Variants in KCNJ13 observed in about 807,000 individuals in gnomAD.
The protein encoded by KCNJ13 is potassium inwardly rectifying channel subfamily J member 13.
A neutral mutation model predicts 24.6 loss-of-function variants in KCNJ13; 9 were observed. The observed-to-expected ratio is 0.37, with a 90% CI of 0.22 to 0.64. KCNJ13 has a LOEUF of 0.64. Among genes scored for constraint, KCNJ13 ranks in the 30% least tolerant of loss-of-function variants. The pLI is 0.64. For missense variants in KCNJ13, 337 were observed against 443.8 expected (o/e 0.76, Z 2.16); for synonymous variants, 148 against 154.7 (o/e 0.96, Z 0.32).
chr2:232,775,225 C>T (rs1393835518), intron 1 of KCNJ13, among the ~76,000 whole-genome samples: 4 of 152,190 alleles, frequency 2.6e-5, no homozygotes, highest in East Asian at 1.9e-4. Context: ...GTGTAGAGAA[C>T]GCAGGATAAG....
At chr2:232,774,547 A>G (rs1337560161) in intron 1 of KCNJ13, among the ~76,000 whole-genome samples, 1 of 152,230 alleles carries the variant, frequency 6.6e-6, no homozygotes, top group Non-Finnish European at 1.5e-5. Flanking sequence ...TACTGTCATT[A>G]TAAATAAAAT....
intron 2 of KCNJ13, among the ~76,000 whole-genome samples, chr2:232,770,479 CAG>C (rs1422117514): frequency 1.3e-5 from 2 of 151,900 alleles, no homozygotes; most frequent in African/African-American, 4.8e-5. Flanking sequence ...AATTCTAGCT[CAG>C]TGAAGAAAAA....
At position 232,768,692 on chromosome 2, in the gene KCNJ13, G is replaced by A; in HGVS notation, c.582C>T (p.Thr194=). ...GGACACTGGTTAGAGGGCTAGGTCG[G>A]GTGTTGGCCACTTGGAAGATAAGAT... ...KPNLIFQVAN[T]RPSPLTSVRV... The change falls in exon 3 of 3, where the codon ACC becomes ACT. Residue 194 remains threonine (T), a synonymous_variant. Coordinates refer to ENST00000233826, the MANE Select transcript of KCNJ13 (RefSeq NM_002242.4). 6.2e-7 allele frequency: 1 copy of A among 1,606,136 alleles called. No homozygotes were observed.
rs147306587 is a variant in KCNJ13 at position 232,773,253 on chromosome 2, C to T, written c.-16-1875G>A. 7.2e-5 allele frequency among the ~76,000 whole-genome samples: 11 copies of T among 152,238 alleles called. No individual in the cohort carries two copies. In the East Asian group the frequency reaches 7.7e-4, roughly 11 times the overall value. ...AATGTTTTAGGAGACCTGATCTCTA[C>T]GCTTTGGAAACAACAAAATCTTCAT... On this transcript the variant is annotated intron_variant, in intron 1 of 2. Transcript: ENST00000233826.
rs1293854136 is a variant in KCNJ13, at chr2:232,771,208, C to T, written c.155G>A (p.Arg52His). ...AAAGACCAACATCATCCAACGCCAGCGCATGTCCATTAGGATTCCCCAAGC... is the reference window on the plus strand; with the variant it reads ...AAAGACCAACATCATCCAACGCCAGTGCATGTCCATTAGGATTCCCCAAGC... ...RDAWGILMDMRWRWMMLVFSA... is the reference protein window; with the variant it reads ...RDAWGILMDMHWRWMMLVFSA... The change falls in exon 2 of 3, where the codon CGC (arginine) becomes CAC (histidine). Residue 52 changes from arginine to histidine, a missense_variant. Physicochemically the swap from Arg to His is conservative, Grantham distance 29. Around this residue, in one of 3 missense-constraint regions of KCNJ13, gnomAD observed 101 missense variants for 139.2 expected, o/e 0.73. Transcript: ENST00000233826. The T allele has an allele frequency of 1.9e-6, 3 of 1,612,800 alleles. No homozygotes were observed. The highest frequency in any genetic ancestry group is 2.2e-5 in the East Asian group (1 of 44,866).
intron 1 of KCNJ13, among the ~76,000 whole-genome samples, chr2:232,771,808 A>G (rs1022053503): frequency 2.0e-5 from 3 of 152,168 alleles, no homozygotes; most frequent in African/African-American, 4.8e-5. Flanking sequence ...GTATGTTTAA[A>G]TATGTAAGTG....
intron 1 of KCNJ13, among the ~76,000 whole-genome samples, chr2:232,772,061 T>C (rs1218576468): frequency 6.6e-6 from 1 of 152,330 alleles, no homozygotes; most frequent in East Asian, 1.9e-4. Flanking sequence ...CATAGCTCAC[T>C]GCAACCTCAG....
rs1168396392 is a variant in KCNJ13 at position 232,767,190 on chromosome 2, A to G, written c.*1001T>C. 1 of 152,240 alleles carries G rather than the reference A, an allele frequency of 6.6e-6. No homozygotes were observed. Among genetic ancestry groups the G allele is most frequent in the Non-Finnish European group, 1.5e-5 (1 of 68,034 alleles). The allele number at this position is 152,240 out of a possible 1,614,324, so 9.4% of individuals were successfully genotyped here. A position where few individuals can be genotyped will look rare whatever the true frequency, so the allele number is the denominator to read the frequency against. ...ATAGAAAAAACTATTTGAAGTTGGA[A>G]ACAGGAATTTGAGTTTGAAAATGCT... On this transcript the variant is annotated 3_prime_UTR_variant, in exon 3 of 3. Coordinates refer to ENST00000233826, the MANE Select transcript of KCNJ13 (RefSeq NM_002242.4).
Position 232,771,264 on chromosome 2 carries a change from G to A in KCNJ13, c.99C>T (p.Gly33=), listed in dbSNP as rs1026757774. 6.2e-6 allele frequency: 10 copies of A among 1,608,082 alleles called. No homozygotes were observed. Among genetic ancestry groups the A allele is most frequent in the South Asian group, 3.3e-5 (3 of 90,466 alleles). Residue 33 remains glycine, a synonymous_variant, in exon 2 of 3, where the codon GGC becomes GGT. Transcript: ENST00000233826. ...GAAGATATGCAAGACCTCTTTGAGC[G>A]CCATCCATTTGAAGTGTGCTGTGGC... ...KDGHSTLQMD[G]AQRGLAYLRD...
intron 2 of KCNJ13, 37 bp from the exon 3 acceptor site, chr2:232,768,850 G>A (rs1260191226): frequency 7.1e-6 from 11 of 1,545,386 alleles, no homozygotes; most frequent in African/African-American, 2.8e-5. Flanking sequence ...TTAGAATGAA[G>A]ACTTTAAATA....
In KCNJ13 at chr2:232,767,269, C is replaced by T. The variant is rs1052912240; in HGVS notation, c.*922G>A. The T allele has an allele frequency of 4.6e-5, 7 of 151,992 alleles. No individual in the cohort carries two copies. The highest frequency in any genetic ancestry group is 1.0e-4 in the Non-Finnish European group (7 of 67,986). The allele number at this position is 151,992 out of a possible 1,614,324, so 9.4% of individuals were successfully genotyped here. ...TACTGTAGATTTTTTTCCCTACTCA[C>T]TCAAGTTATATCTAAGTAAAGCTTT... On this transcript the variant is annotated 3_prime_UTR_variant, in exon 3 of 3. Coordinates refer to ENST00000233826, the MANE Select transcript of KCNJ13 (RefSeq NM_002242.4).
chr2:232,773,534 GCATTCTCA>G (rs1228490604), intron 1 of KCNJ13, among the ~76,000 whole-genome samples: 1 of 152,000 alleles, frequency 6.6e-6, no homozygotes, highest in Non-Finnish European at 1.5e-5. Context: ...GATTGATATT[GCATTCTCA>G]AGAAGGTCTT....
intron 1 of KCNJ13, among the ~76,000 whole-genome samples, chr2:232,775,342 T>G (rs187676896): frequency 6.6e-6 from 1 of 151,966 alleles, no homozygotes; most frequent in Admixed American, 6.6e-5. Context: ...ACAAAGAAAG[T>G]GAAAAAAGAG....
intron 1 of KCNJ13, among the ~76,000 whole-genome samples, chr2:232,774,858 A>T (rs1045282519): frequency 2.6e-5 from 4 of 152,200 alleles, no homozygotes; most frequent in African/African-American, 9.6e-5. Context: ...CCTTACTTAG[A>T]GCCTTTCTGT....
At chr2:232,769,029 T>A (rs566145583) in intron 2 of KCNJ13, among the ~76,000 whole-genome samples, 2 of 152,310 alleles carry the variant, frequency 1.3e-5, no homozygotes, top group East Asian at 3.9e-4. Context: ...TCAGAATAGA[T>A]AAGCAAAATG....
chr2:232,768,920 G>C (rs1381981326), intron 2 of KCNJ13, 107 bp from the exon 3 acceptor site: 2 of 951,422 alleles, frequency 2.1e-6, no homozygotes, highest in South Asian at 3.5e-5. Flanking sequence ...TTGGTGCCAT[G>C]CCTTTCAGTG....
chr2:232,768,470 A>C lies in KCNJ13; in HGVS notation c.804T>G (p.Val268=). ...CCTCCTGCATTGCTGAAAGGAATACAACTAATTCAAAGTGAGAAGGATTTT... is the reference window on the plus strand; with the variant it reads ...CCTCCTGCATTGCTGAAAGGAATACCACTAATTCAAAGTGAGAAGGATTTT... ...QHENPSHFEL[V]VFLSAMQEGT... is the part of the protein sequence containing the mutation. Residue 268 remains valine, a synonymous_variant, in exon 3 of 3, where the codon GTT becomes GTG. Transcript: ENST00000233826. 6.2e-7 allele frequency: 1 copy of C among 1,614,222 alleles called. No homozygotes were observed. Among genetic ancestry groups the C allele is most frequent in the Non-Finnish European group, 8.5e-7 (1 of 1,180,024 alleles).
chr2:232,771,795 G>A (rs993801910), intron 1 of KCNJ13, among the ~76,000 whole-genome samples: 1 of 152,104 alleles, frequency 6.6e-6, no homozygotes, highest in South Asian at 2.1e-4. Context: ...ATAATTAAAA[G>A]GGGTATGTTT....
chr2:232,768,701 C>T lies in KCNJ13; in HGVS notation c.573G>A (p.Val191=). The T allele has an allele frequency of 1.2e-6, 2 of 1,604,190 alleles. No individual in the cohort carries two copies. Among genetic ancestry groups the T allele is most frequent in the Non-Finnish European group, 1.7e-6 (2 of 1,172,376 alleles). The change falls in exon 3 of 3, where the codon GTG becomes GTA. Residue 191 remains valine (V), a synonymous_variant. Transcript: ENST00000233826. Reference sequence around the variant, plus strand: ...TTAGAGGGCTAGGTCGGGTGTTGGCCACTTGGAAGATAAGATTAGGTTTGC... The same window carrying T: ...TTAGAGGGCTAGGTCGGGTGTTGGCTACTTGGAAGATAAGATTAGGTTTGC... ...MDGKPNLIFQ[V]ANTRPSPLTS...
Sources: allele counts gnomAD v4.1 joint callset (sites outside exome capture counted in the v4.1 genomes callset), GRCh38; gene constraint gnomAD v4.1.1; regional missense constraint gnomAD v4.1.1; transcripts MANE v1.5; gene names NCBI Gene and HGNC (gene_info 2026-07-23, HGNC 2026-07-21).